Variants in SGSM1 observed in about 807,000 individuals in gnomAD.
SGSM1 encodes the protein small G protein signaling modulator 1.
Under a neutral mutation model 133.8 loss-of-function variants are expected in SGSM1, and 73 were observed. The ratio of observed to expected loss-of-function variants is 0.55; its 90% CI spans 0.45 to 0.66. SGSM1 has a LOEUF of 0.66. SGSM1 is among the 30% of genes least tolerant of loss of function. SGSM1 has a pLI of 0.00. For missense variants in SGSM1, 1,213 were observed against 1,448.1 expected, an observed-to-expected ratio of 0.84 and a Z score of 2.64; for synonymous variants, 563 against 573.0, an observed-to-expected ratio of 0.98 and a Z score of 0.25.
intron 13 of SGSM1, among the ~76,000 whole-genome samples, chr22:24,878,123 TATC>T (rs1489964279): frequency 6.6e-6 from 1 of 152,198 alleles, no homozygotes; most frequent in East Asian, 1.9e-4. Flanking sequence ...GAGATTCTCT[TATC>T]ATGCATTAGA....
At chr22:24,902,439 G>A (rs948991664) in intron 20 of SGSM1, among the ~76,000 whole-genome samples, 3 of 152,164 alleles carry the variant, frequency 2.0e-5, no homozygotes, top group African/African-American at 7.2e-5. Context: ...GATCACTTGA[G>A]GCCACTTGAG....
intron 21 of SGSM1, among the ~76,000 whole-genome samples, chr22:24,908,757 G>A (rs565014137): frequency 2.3e-4 from 34 of 150,970 alleles, no homozygotes; most frequent in Middle Eastern, 6.8e-3. Context: ...AGCCGAGATC[G>A]CGCCACTGCA....
intron 8 of SGSM1, among the ~76,000 whole-genome samples, chr22:24,859,275 G>A (rs1324326593): frequency 6.6e-6 from 1 of 152,114 alleles, no homozygotes; most frequent in African/African-American, 2.4e-5. Flanking sequence ...GGGTTTTTGG[G>A]AGGAGGTCTC....
intron 19 of SGSM1, among the ~76,000 whole-genome samples, chr22:24,900,209 A>G (rs1315362290): frequency 6.6e-6 from 1 of 151,598 alleles, no homozygotes; most frequent in Non-Finnish European, 1.5e-5. Context: ...TTTTATAGAG[A>G]TGGGGTTTTG....
chr22:24,884,247 G>C, intron 15 of SGSM1, 49 bp downstream of exon 15: 1 of 1,562,984 alleles, frequency 6.4e-7, no homozygotes, highest in South Asian at 1.2e-5. Flanking sequence ...GCTGCAGGGG[G>C]GTCATCTTAT....
chr22:24,845,894 G>T lies in SGSM1; in HGVS notation c.139+922G>T, dbSNP rs138407988. Reference sequence around the variant, plus strand: ...GGCAGGCAGACCTGGATCCACCTCTGCTGCTTTCTTGTAATTGACTTTGGG... The same window carrying T: ...GGCAGGCAGACCTGGATCCACCTCTTCTGCTTTCTTGTAATTGACTTTGGG... On this transcript the variant is annotated intron_variant, in intron 3 of 24. Coordinates refer to ENST00000400358, the MANE Select transcript of SGSM1 (RefSeq NM_001098497.3). Among the ~76,000 whole-genome samples the T allele has an allele frequency of 2.4e-3, 365 of 151,890 alleles. 2 individuals carry two copies. Among genetic ancestry groups the T allele is most frequent in the Middle Eastern group, 0.01 (3 of 294 alleles).
chr22:24,893,960 A>G (rs1008200576), intron 17 of SGSM1, among the ~76,000 whole-genome samples: 1 of 152,238 alleles, frequency 6.6e-6, no homozygotes, highest in Non-Finnish European at 1.5e-5. Flanking sequence ...CATTGATTCA[A>G]CAAATGCTTA....
intron 12 of SGSM1, among the ~76,000 whole-genome samples, chr22:24,873,416 C>T (rs1419321505): frequency 6.6e-6 from 1 of 151,984 alleles, no homozygotes; most frequent in African/African-American, 2.4e-5. Context: ...TACTAGATGA[C>T]AGTAGCACCT....
At chr22:24,840,262 AT>A (rs1929714272) in intron 2 of SGSM1, among the ~76,000 whole-genome samples, 2 of 149,580 alleles carry the variant, frequency 1.3e-5, no homozygotes, top group South Asian at 4.2e-4. Context: ...ACATGTCTTG[AT>A]TTTGTTAGTT....
At chr22:24,834,358 G>A (rs181575151) in intron 2 of SGSM1, among the ~76,000 whole-genome samples, 3 of 152,306 alleles carry the variant, frequency 2.0e-5, no homozygotes, top group Admixed American at 2.0e-4. Flanking sequence ...GTTGGCCCTC[G>A]GGCCAAATCC....
At position 24,921,940 on chromosome 22, in the gene SGSM1, A is replaced by G. The variant is rs112959654; in HGVS notation, c.3193+1947A>G. ...GGTCTCAGACTCCCAACCTCAGGTG[A>G]TCTGCCCACCTCAGCTTCCCAAAGT... On this transcript the variant is annotated intron_variant, in intron 24 of 24. Transcript: ENST00000400358. 2.6e-3 allele frequency among the ~76,000 whole-genome samples: 393 copies of G among 152,206 alleles called. 2 individuals are homozygous for G. The highest frequency in any genetic ancestry group is 8.8e-3 in the African/African-American group (365 of 41,544).
At chr22:24,820,726 C>T (rs1425836518) in intron 2 of SGSM1, among the ~76,000 whole-genome samples, 1 of 152,104 alleles carries the variant, frequency 6.6e-6, no homozygotes. Context: ...GGACAGGAAA[C>T]TTTGATCCAT....
chr22:24,841,741 T>G (rs1378008764), intron 2 of SGSM1, among the ~76,000 whole-genome samples: 2 of 152,210 alleles, frequency 1.3e-5, no homozygotes, highest in East Asian at 1.9e-4. Context: ...TGACTGAATC[T>G]TTAGAAGTTG....
At chr22:24,837,404 G>C (rs1929493049) in intron 2 of SGSM1, among the ~76,000 whole-genome samples, 2 of 152,204 alleles carry the variant, frequency 1.3e-5, no homozygotes, top group South Asian at 4.1e-4. Flanking sequence ...AGAAGGCAGA[G>C]CCAGGTGTAC....
chr22:24,832,557 A>G (rs1434775427), intron 2 of SGSM1, among the ~76,000 whole-genome samples: 1 of 152,224 alleles, frequency 6.6e-6, no homozygotes, highest in Non-Finnish European at 1.5e-5. Context: ...TGGAGAGGGC[A>G]TAATGAGCGA....
rs1343198143 is a variant in SGSM1, at chr22:24,925,402, T to C, written c.*1128T>C. On this transcript the variant is annotated 3_prime_UTR_variant, in exon 25 of 25. Coordinates refer to ENST00000400358, the MANE Select transcript of SGSM1 (RefSeq NM_001098497.3). ...CACAAGAGTCCCTCACACATCTCTC[T>C]TGGAGTCTGGGATTCCATCTGTTGT... The C allele has an allele frequency of 6.6e-6, 1 of 152,126 alleles. No homozygotes were observed. Among genetic ancestry groups the C allele is most frequent in the Non-Finnish European group, 1.5e-5 (1 of 68,026 alleles). The allele number at this position is 152,126 out of a possible 1,614,324, so 9.4% of individuals were successfully genotyped here.
intron 2 of SGSM1, chr22:24,814,254 T>C (rs182868141): frequency 4.7e-5 from 7 of 148,482 alleles, no homozygotes; most frequent in Admixed American, 1.4e-4. Flanking sequence ...GTCATTCTAA[T>C]GGGATAAAGA....
At position 24,858,654 on chromosome 22, in the gene SGSM1, A is replaced by AAAAAAAAG. The variant is rs1268815477; in HGVS notation, c.802-1060_802-1059insAAAAAGAA. 9.0e-4 allele frequency among the ~76,000 whole-genome samples: 128 copies of AAAAAAAAG among 142,708 alleles called. 2 individuals carry two copies. Among genetic ancestry groups the AAAAAAAAG allele is most frequent in the South Asian group, 2.9e-3 (12 of 4,190 alleles). 93.6% of individuals were successfully genotyped at this position (142,708 alleles called of 152,430 possible). The stretch of plus-strand genomic sequence containing the variant: ...CCATCTCAAAAAAAAAAAAAAAAAA[A>AAAAAAAAG]AAGAAGAAAGACAATCTGGACTTGT... On this transcript the variant is annotated intron_variant, in intron 8 of 24. Coordinates refer to ENST00000400358, the MANE Select transcript of SGSM1 (RefSeq NM_001098497.3).
rs1236668115 is a variant in SGSM1, at chr22:24,924,675, G to A, written c.*401G>A. ...CTTTTTGGAAATTGGTGTAGAAGAGGTGTGTGGGGCTACCTCTATGCTCCT... is the reference window on the plus strand; with the variant it reads ...CTTTTTGGAAATTGGTGTAGAAGAGATGTGTGGGGCTACCTCTATGCTCCT... On this transcript the variant is annotated 3_prime_UTR_variant, in exon 25 of 25. Coordinates refer to ENST00000400358, the MANE Select transcript of SGSM1 (RefSeq NM_001098497.3). 2 of 225,282 alleles carry A rather than the reference G, an allele frequency of 8.9e-6. No homozygotes were observed. Among genetic ancestry groups the A allele is most frequent in the East Asian group, 1.1e-4 (1 of 9,174 alleles). The allele number at this position is 225,282 out of a possible 1,614,324, so 14.0% of individuals were successfully genotyped here.
Sources: gnomAD v4.1 joint callset for allele counts (sites outside exome capture counted in the v4.1 genomes callset) on GRCh38, gnomAD v4.1.1 for gene constraint, MANE v1.5 for transcripts, NCBI Gene and HGNC (gene_info 2026-07-23, HGNC 2026-07-21) for gene names.